The following APP variants were observed in gnomAD, a reference collection of about 807,000 sequenced individuals.
APP encodes the protein amyloid beta precursor protein, also known as amyloid-beta precursor protein.
In APP, 31 loss-of-function variants were observed where a neutral mutation model predicts 101.4. The ratio of observed to expected loss-of-function variants is 0.31; its 90% CI spans 0.23 to 0.41. The LOEUF is 0.41. Ranked by LOEUF, APP falls within the 10% of genes least tolerant of loss-of-function variation. The pLI is 1.00. For missense variants in APP, 839 were observed against 1,003.7 expected, an observed-to-expected ratio of 0.84 and a Z score of 2.22; for synonymous variants, 366 against 364.4, an observed-to-expected ratio of 1.00 and a Z score of -0.05.
intron 11 of APP, among the ~76,000 whole-genome samples, chr21:25,973,255 C>T (rs1031614306): frequency 5.9e-5 from 9 of 151,962 alleles, no homozygotes; most frequent in African/African-American, 2.2e-4. Flanking sequence ...CAACCATATC[C>T]ATAACCTCAT....
At chr21:25,903,728 ATTG>A (rs1462799167) in intron 15 of APP, among the ~76,000 whole-genome samples, 1 of 152,204 alleles carries the variant, frequency 6.6e-6, no homozygotes, top group Non-Finnish European at 1.5e-5. Flanking sequence ...CTTACATGAC[ATTG>A]ACAATAAGGA....
chr21:25,953,800 T>TAGTCATTAGGAA (rs373807601), intron 13 of APP, among the ~76,000 whole-genome samples: 35 of 152,184 alleles, frequency 2.3e-4, no homozygotes, highest in African/African-American at 8.4e-4. Context: ...ATGAAATCAT[T>TAGTCATTAGGAA]AGTCATTAGG....
chr21:25,895,751 T>C (rs1428447782), intron 16 of APP, among the ~76,000 whole-genome samples: 1 of 152,212 alleles, frequency 6.6e-6, no homozygotes, highest in Admixed American at 6.5e-5. Context: ...TTCCCTTTAC[T>C]AAACAAATAT....
chr21:25,954,811 T>C, intron 12 of APP, 122 bp from the exon 13 acceptor site: 1 of 797,964 alleles, frequency 1.3e-6, no homozygotes, highest in East Asian at 2.7e-5. Flanking sequence ...TTATTTTTCT[T>C]ACCAAGCACT....
chr21:26,136,360 G>A (rs1398369778), intron 1 of APP, among the ~76,000 whole-genome samples: 2 of 151,872 alleles, frequency 1.3e-5, no homozygotes, highest in Non-Finnish European at 2.9e-5. Flanking sequence ...CTTTTAAAAA[G>A]AAACAGGCAA....
At chr21:25,890,062 T>G (rs1196399503) in intron 17 of APP, among the ~76,000 whole-genome samples, 1 of 152,178 alleles carries the variant, frequency 6.6e-6, no homozygotes, top group Non-Finnish European at 1.5e-5. Context: ...TTGAGGGACA[T>G]AAGCTTAGAT....
intron 5 of APP, among the ~76,000 whole-genome samples, chr21:26,048,715 A>C (rs1204136514): frequency 6.6e-6 from 1 of 152,252 alleles, no homozygotes; most frequent in East Asian, 1.9e-4. Flanking sequence ...TGGTCTTATA[A>C]GAAAAAGGTA....
intron 11 of APP, among the ~76,000 whole-genome samples, chr21:25,966,679 T>C (rs2146534672): frequency 6.6e-6 from 1 of 152,352 alleles, no homozygotes; most frequent in East Asian, 1.9e-4. Context: ...TTTTATAAGA[T>C]AATTTCTTTT....
chr21:26,017,123 C>T (rs1226037196), intron 6 of APP, among the ~76,000 whole-genome samples: 3 of 143,986 alleles, frequency 2.1e-5, no homozygotes, highest in Non-Finnish European at 3.0e-5. Flanking sequence ...GGTGTGAACC[C>T]GGGAGGCCGA....
intron 1 of APP, among the ~76,000 whole-genome samples, chr21:26,115,012 C>T (rs1169047504): frequency 6.6e-6 from 1 of 152,000 alleles, no homozygotes; most frequent in Admixed American, 6.6e-5. Flanking sequence ...CTCATGTTGT[C>T]TTCATTTTAA....
At chr21:26,103,907 C>A (rs2062121443) in intron 2 of APP, among the ~76,000 whole-genome samples, 1 of 152,214 alleles carries the variant, frequency 6.6e-6, no homozygotes, top group South Asian at 2.1e-4. Context: ...CACAGTAGGT[C>A]TTTGTCTTAG....
chr21:25,882,612 C>T (rs1034808243), intron 17 of APP, among the ~76,000 whole-genome samples: 4 of 151,800 alleles, frequency 2.6e-5, no homozygotes, highest in South Asian at 4.2e-4. Flanking sequence ...ACCCCTACAA[C>T]GTGGGCAGTG....
intron 1 of APP, among the ~76,000 whole-genome samples, chr21:26,137,356 T>C (rs1279047416): frequency 6.6e-6 from 1 of 152,188 alleles, no homozygotes; most frequent in Non-Finnish European, 1.5e-5. Flanking sequence ...GGGGGTTCTA[T>C]CCCATCTAAA....
intron 3 of APP, among the ~76,000 whole-genome samples, chr21:26,055,975 C>T (rs2046025476): frequency 6.6e-6 from 1 of 152,174 alleles, no homozygotes; most frequent in African/African-American, 2.4e-5. Flanking sequence ...GATTATAATG[C>T]AAAGCTAAAG....
intron 6 of APP, among the ~76,000 whole-genome samples, chr21:26,009,411 T>C (rs116470849): frequency 0.013 from 2,043 of 152,264 alleles, 51 homozygotes; most frequent in African/African-American, 0.046. Flanking sequence ...GATCATAATT[T>C]TCTTACTCAT....
intron 1 of APP, among the ~76,000 whole-genome samples, chr21:26,148,882 G>A (rs1261518818): frequency 6.6e-6 from 1 of 152,236 alleles, no homozygotes; most frequent in Non-Finnish European, 1.5e-5. Context: ...GTTTAGGGAA[G>A]CTTACATCAT....
At chr21:25,931,444 T>G (rs1377207465) in intron 13 of APP, among the ~76,000 whole-genome samples, 1 of 152,186 alleles carries the variant, frequency 6.6e-6, no homozygotes, top group African/African-American at 2.4e-5. Context: ...ACCATGAGTA[T>G]GCAATTAGCA....
chr21:26,045,269 T>C (rs1486201181), intron 5 of APP, among the ~76,000 whole-genome samples: 1 of 151,914 alleles, frequency 6.6e-6, no homozygotes, highest in African/African-American at 2.4e-5. Context: ...TTAAATGAAA[T>C]TGCAAGTATA....
intron 6 of APP, among the ~76,000 whole-genome samples, chr21:26,019,998 T>G (rs2044267863): frequency 1.3e-5 from 2 of 152,246 alleles, no homozygotes. Context: ...TGTCATTAAG[T>G]AGGGAATGAT....
Sources: gnomAD v4.1 joint callset for allele counts (sites outside exome capture counted in the v4.1 genomes callset) on GRCh38, gnomAD v4.1.1 for gene constraint, MANE v1.5 for transcripts, NCBI Gene and HGNC (gene_info 2026-07-23, HGNC 2026-07-21) for gene names.